Variants in ZNF587 observed in about 807,000 individuals in gnomAD.
ZNF587 encodes zinc finger protein 587.
In ZNF587, 8 loss-of-function variants were observed where a neutral mutation model predicts 7.5. The observed-to-expected ratio is 1.06, with a 90% CI of 0.62 to 1.92. The LOEUF (loss-of-function observed/expected upper bound fraction) is 1.92. Among genes scored for constraint, ZNF587 ranks in the 40% most tolerant of loss-of-function variants. The pLI, the probability that ZNF587 is intolerant of heterozygous loss-of-function variation, is 0.00. For synonymous variants in ZNF587, 145 were observed against 237.8 expected (o/e 0.61, Z 3.59); for missense variants, 468 against 692.8 (o/e 0.68, Z 3.64).
At position 57,861,789 on chromosome 19, in the gene ZNF587, T is replaced by TTTTTTTTTTTTC. The variant is rs1555775628; in HGVS notation, c.*1649_*1650insTTTTTTTTTTTC. 2.2e-3 allele frequency: 327 copies of TTTTTTTTTTTTC among 147,974 alleles called. 13 individuals are homozygous for TTTTTTTTTTTTC. Among genetic ancestry groups the TTTTTTTTTTTTC allele is most frequent in the African/African-American group, 7.8e-3 (298 of 38,258 alleles). 9.2% of individuals were successfully genotyped at this position (147,974 alleles called of 1,614,324 possible). On this transcript the variant is annotated 3_prime_UTR_variant, in exon 3 of 3. Transcript: ENST00000339656. ...TTTGGTTTTCTTTTTTTTTTTTTTT[T>TTTTTTTTTTTTC]CCAGATGGAGTCTAGCTCTGTCTCC...
At chr19:57,850,375 A>G in intron 1 of ZNF587, 1 of 585,316 alleles carries the variant, frequency 1.7e-6, no homozygotes, top group Non-Finnish European at 3.0e-6. Context: ...TTCTGGGATC[A>G]GAGTTTTCAA....
intron 1 of ZNF587, chr19:57,850,954 CAGG>C (rs1273543698): frequency 6.8e-5 from 11 of 161,424 alleles, no homozygotes; most frequent in Admixed American, 5.8e-4. Context: ...CTGCGGGTTT[CAGG>C]AGGAGCCAAG....
rs2071400018 is a variant in ZNF587, at chr19:57,858,907, G to GTC, written c.496_497dup (p.Gln167HisfsTer27). 1 of 1,611,534 alleles carries GTC rather than the reference G, an allele frequency of 6.2e-7. No individual in the cohort carries two copies. Among genetic ancestry groups the GTC allele is most frequent in the Admixed American group, 1.7e-5 (1 of 59,784 alleles). ...TTGTAAAGAAACGTAAGCTCAGGGT[G>GTC]TCACAGGAGCCATTTGTCTTCCGCG... is the stretch of plus-strand genomic sequence containing the variant. On this transcript the variant is annotated frameshift_variant, in exon 3 of 3. Transcript: ENST00000339656. LOFTEE classifies it low-confidence loss of function (END_TRUNC).
At chr19:57,852,416 G>A (rs1386477492) in intron 1 of ZNF587, 1 of 398,616 alleles carries the variant, frequency 2.5e-6, no homozygotes, top group East Asian at 3.6e-5. Flanking sequence ...AGGAAGAAAG[G>A]TCAGAGATAA....
At chr19:57,851,698 TTCA>T (rs1395821250) in intron 1 of ZNF587, 1 of 152,166 alleles carries the variant, frequency 6.6e-6, no homozygotes. Flanking sequence ...GGGCTGTGCA[TTCA>T]TCATGAGGAT....
rs747137509 is a variant in ZNF587 at position 57,850,057 on chromosome 19, A to C, written c.19A>C (p.Arg7=). MAAAVP[R]RPTQQGTVTF... ...TAGTCCGATGGCAGCGGCTGTGCCG[A>C]GGCGCCCAACTCAGGTAATTGTGGT... The change falls in exon 1 of 3, where the codon AGG becomes CGG. Residue 7 remains arginine (R), a synonymous_variant. Transcript: ENST00000339656. 1 of 1,614,136 alleles carries C rather than the reference A, an allele frequency of 6.2e-7. No individual in the cohort carries two copies. The highest frequency in any genetic ancestry group is 1.3e-5 in the African/African-American group (1 of 74,954).
chr19:57,852,170 C>G (rs766260636), intron 1 of ZNF587: 7 of 393,082 alleles, frequency 1.8e-5, no homozygotes, highest in African/African-American at 6.2e-5. Flanking sequence ...GATCCGAGGA[C>G]CCTGGAGAAT....
chr19:57,851,642 A>T (rs958879011), intron 1 of ZNF587: 2 of 152,632 alleles, frequency 1.3e-5, no homozygotes, highest in African/African-American at 4.8e-5. Context: ...ATCTGTCAGG[A>T]ACAACGTGTG....
intron 1 of ZNF587, 71 bp from the exon 2 acceptor site, chr19:57,856,033 G>T (rs1274235698): frequency 6.3e-7 from 1 of 1,597,714 alleles, no homozygotes; most frequent in Non-Finnish European, 8.5e-7. Flanking sequence ...GCAAGGGTGG[G>T]TGTGTGGGAG....
chr19:57,857,636 G>A (rs2071377990), intron 2 of ZNF587, among the ~76,000 whole-genome samples: 1 of 151,834 alleles, frequency 6.6e-6, no homozygotes, highest in South Asian at 2.1e-4. Flanking sequence ...ATGTGTGTGT[G>A]TATATGTATA....
chr19:57,849,914 G>A lies in ZNF587; in HGVS notation c.-125G>A. The A allele has an allele frequency of 1.9e-6, 3 of 1,582,676 alleles. No individual in the cohort carries two copies. The highest frequency in any genetic ancestry group is 2.6e-6 in the Non-Finnish European group (3 of 1,164,098). On this transcript the variant is annotated 5_prime_UTR_variant, in exon 1 of 3. Coordinates refer to ENST00000339656, the MANE Select transcript of ZNF587 (RefSeq NM_032828.4). ...TTTCCCCAGTTTGTGGCCCCTGAGTGCTGGGTGGGACCGCGGTGACTGAAC... is the reference window on the plus strand; with the variant it reads ...TTTCCCCAGTTTGTGGCCCCTGAGTACTGGGTGGGACCGCGGTGACTGAAC...
chr19:57,859,870 C>G lies in ZNF587; in HGVS notation c.1458C>G (p.His486Gln). The part of the protein sequence containing the change: ...KHSVTIHQRI[H>Q]TGERPYECSE... ...GCGTGACTATACATCAGAGGATTCA[C>G]ACTGGAGAAAGGCCGTATGAATGCA... The change falls in exon 3 of 3, where the codon CAC (histidine) becomes CAG (glutamine). Residue 486 changes from histidine (H) to glutamine (Q), a missense_variant. By Grantham distance (24) the His-to-Gln change is conservative. Coordinates refer to ENST00000339656, the MANE Select transcript of ZNF587 (RefSeq NM_032828.4). The G allele has an allele frequency of 6.2e-7, 1 of 1,614,154 alleles. No individual in the cohort carries two copies. The highest frequency in any genetic ancestry group is 8.5e-7 in the Non-Finnish European group (1 of 1,180,016).
intron 1 of ZNF587, among the ~76,000 whole-genome samples, chr19:57,854,290 T>C (rs2071322302): frequency 6.6e-6 from 1 of 151,910 alleles, no homozygotes; most frequent in South Asian, 2.1e-4. Context: ...AATAGGGCCA[T>C]GGCTATCTGA....
At chr19:57,853,488 G>C (rs1404961273) in intron 1 of ZNF587, among the ~76,000 whole-genome samples, 1 of 152,186 alleles carries the variant, frequency 6.6e-6, no homozygotes, top group Non-Finnish European at 1.5e-5. Context: ...GATTATGGTG[G>C]TAAATCTTTT....
chr19:57,860,423 C>T lies in ZNF587; in HGVS notation c.*283C>T. The T allele has an allele frequency of 4.1e-6, 2 of 484,630 alleles. No individual in the cohort carries two copies. Among genetic ancestry groups the T allele is most frequent in the Non-Finnish European group, 3.7e-6 (1 of 273,130 alleles). The allele number at this position is 484,630 out of a possible 1,614,324, so 30.0% of individuals were successfully genotyped here. On this transcript the variant is annotated 3_prime_UTR_variant, in exon 3 of 3. Transcript: ENST00000339656. ...AGCTGGGATTATGAGTACACACCAC[C>T]ACGCCCAGCTAATTTTTGTGTTTTT...
intron 2 of ZNF587, 127 bp downstream of exon 2, chr19:57,856,360 G>C: frequency 4.1e-6 from 6 of 1,447,408 alleles, no homozygotes; most frequent in Non-Finnish European, 5.5e-6. Context: ...CTCTGTGTAA[G>C]TTGTGTGGTT....
chr19:57,853,487 G>C (rs1186920698), intron 1 of ZNF587, among the ~76,000 whole-genome samples: 1 of 152,168 alleles, frequency 6.6e-6, no homozygotes, highest in African/African-American at 2.4e-5. Context: ...AGATTATGGT[G>C]GTAAATCTTT....
chr19:57,859,761 ATCT>A lies in ZNF587; in HGVS notation c.1353_1355del (p.Leu452del), dbSNP rs750545184. The A allele has an allele frequency of 2.5e-5, 41 of 1,613,392 alleles. No homozygotes were observed. The highest frequency in any genetic ancestry group is 3.3e-5 in the Non-Finnish European group (39 of 1,179,828). Reference sequence around the variant, plus strand: ...GGGAAATTATTTAACAGGAAGTATCATCTTCTGGTTCATGAGAGAGTTCACACT... The same window carrying A: ...GGGAAATTATTTAACAGGAAGTATCATCTGGTTCATGAGAGAGTTCACACT... On this transcript the variant is annotated inframe_deletion, in exon 3 of 3. Coordinates refer to ENST00000339656, the MANE Select transcript of ZNF587 (RefSeq NM_032828.4).
In ZNF587 at chr19:57,862,570, G is replaced by A. The variant is rs76289817; in HGVS notation, c.*2430G>A. 6.5e-6 allele frequency: 1 copy of A among 154,906 alleles called. No homozygotes were observed. Among genetic ancestry groups the A allele is most frequent in the South Asian group, 2.0e-4 (1 of 4,920 alleles). The allele number at this position is 154,906 out of a possible 1,614,324, so 9.6% of individuals were successfully genotyped here. A position where few individuals can be genotyped will look rare whatever the true frequency, so the allele number is the denominator to read the frequency against. ...TGAAATGGCAGTTTCTTCTCAGCAA[G>A]GTGAGATTATGGAATCCAGAATCTT... On this transcript the variant is annotated 3_prime_UTR_variant, in exon 3 of 3. Coordinates refer to ENST00000339656, the MANE Select transcript of ZNF587 (RefSeq NM_032828.4).
Sources: gnomAD v4.1 joint callset for allele counts (sites outside exome capture counted in the v4.1 genomes callset) on GRCh38, gnomAD v4.1.1 for gene constraint, MANE v1.5 for transcripts, NCBI Gene and HGNC (gene_info 2026-07-23, HGNC 2026-07-21) for gene names.